Variants in RFTN2 observed in about 807,000 individuals in gnomAD.
RFTN2 encodes raftlin-2.
In RFTN2, 34 loss-of-function variants were observed where a neutral mutation model predicts 52.7. That is an observed-to-expected ratio of 0.64 (90% CI 0.49 to 0.86). The LOEUF (loss-of-function observed/expected upper bound fraction) is 0.86. RFTN2 is among the 40% of genes least tolerant of loss of function. The probability of loss-of-function intolerance (pLI) is 0.00; values close to 1 mark genes in which losing one functional copy is unlikely to be tolerated. For synonymous variants in RFTN2, 203 were observed against 217.7 expected, an observed-to-expected ratio of 0.93 and a Z score of 0.59; for missense variants, 536 against 600.1, an observed-to-expected ratio of 0.89 and a Z score of 1.12.
chr2:197,587,621 G>T (rs991757600), intron 8 of RFTN2, among the ~76,000 whole-genome samples: 4 of 150,586 alleles, frequency 2.7e-5, no homozygotes, highest in Non-Finnish European at 4.4e-5. Flanking sequence ...TTCTCCCTTC[G>T]CTGACTCTCT....
rs1382060720 is a variant in RFTN2 at position 197,644,933 on chromosome 2, C to T, written c.324-661G>A. ...GGAGATAGTGTTTCTTAAAATCACA[C>T]CTGGAATTTTTTTAAGTCTCTTTCT... On this transcript the variant is annotated intron_variant, in intron 2 of 8. Coordinates refer to ENST00000295049, the MANE Select transcript of RFTN2 (RefSeq NM_144629.3). 3.3e-5 allele frequency among the ~76,000 whole-genome samples: 5 copies of T among 152,158 alleles called. No homozygotes were observed. In the East Asian group the frequency reaches 9.6e-4, roughly 29 times the overall value.
chr2:197,654,005 C>A (rs1184920116), intron 1 of RFTN2, among the ~76,000 whole-genome samples: 1 of 152,176 alleles, frequency 6.6e-6, no homozygotes, highest in East Asian at 1.9e-4. Context: ...AAGTAGAAAG[C>A]TGTCATACAA....
intron 1 of RFTN2, among the ~76,000 whole-genome samples, chr2:197,667,536 TC>T (rs769509363): frequency 6.6e-6 from 1 of 152,226 alleles, no homozygotes; most frequent in Non-Finnish European, 1.5e-5. Flanking sequence ...TATGTTGATA[TC>T]TATGCATCTG....
intron 8 of RFTN2, among the ~76,000 whole-genome samples, chr2:197,582,841 C>G (rs772879966): frequency 6.6e-6 from 1 of 152,130 alleles, no homozygotes; most frequent in Non-Finnish European, 1.5e-5. Context: ...CAAATCCCAT[C>G]GCTCAGGGCT....
chr2:197,604,172 C>CTAG (rs2087923831), intron 7 of RFTN2, among the ~76,000 whole-genome samples: 1 of 152,150 alleles, frequency 6.6e-6, no homozygotes. Flanking sequence ...TGACACTCTG[C>CTAG]TAGTAGGAGT....
At chr2:197,598,721 AGG>A (rs2087830592) in intron 7 of RFTN2, among the ~76,000 whole-genome samples, 1 of 152,194 alleles carries the variant, frequency 6.6e-6, no homozygotes, top group Non-Finnish European at 1.5e-5. Context: ...CAGGCTGCCC[AGG>A]TGGCCCTGAT....
At chr2:197,626,296 T>C (rs2088357668) in intron 5 of RFTN2, among the ~76,000 whole-genome samples, 1 of 151,940 alleles carries the variant, frequency 6.6e-6, no homozygotes, top group South Asian at 2.1e-4. Flanking sequence ...CCTGGCACGA[T>C]GGCTCACACC....
chr2:197,675,191 A>T, intron 1 of RFTN2, 129 bp downstream of exon 1: 2 of 675,374 alleles, frequency 3.0e-6, no homozygotes, highest in Non-Finnish European at 4.5e-6. Context: ...TTAAGAAGCG[A>T]AGCATTATTG....
chr2:197,573,245 T>C (rs888852968), intron 8 of RFTN2, among the ~76,000 whole-genome samples: 1 of 152,216 alleles, frequency 6.6e-6, no homozygotes, highest in Non-Finnish European at 1.5e-5. Flanking sequence ...TAGAGACTTA[T>C]TGAATGGCTT....
intron 1 of RFTN2, among the ~76,000 whole-genome samples, chr2:197,661,518 C>G (rs1164765632): frequency 6.6e-6 from 1 of 152,020 alleles, no homozygotes; most frequent in East Asian, 1.9e-4. Context: ...TATGTATCAT[C>G]TTCTTTATCC....
intron 7 of RFTN2, among the ~76,000 whole-genome samples, chr2:197,603,595 G>A (rs1383535947): frequency 6.6e-6 from 1 of 152,122 alleles, no homozygotes; most frequent in African/African-American, 2.4e-5. Flanking sequence ...GAGATTACAG[G>A]TGTGAGCCAC....
intron 8 of RFTN2, among the ~76,000 whole-genome samples, chr2:197,592,240 G>C (rs1456896027): frequency 6.6e-6 from 1 of 152,216 alleles, no homozygotes; most frequent in African/African-American, 2.4e-5. Context: ...TTGTTGCCCA[G>C]GCTGGAGTGC....
At position 197,644,612 on chromosome 2, in the gene RFTN2, A is replaced by C. The variant is rs1374352096; in HGVS notation, c.324-340T>G. Among the ~76,000 whole-genome samples, 3 of 152,238 alleles carry C rather than the reference A, an allele frequency of 2.0e-5. No homozygotes were observed. In the East Asian group the frequency reaches 5.8e-4, roughly 29 times the overall value. ...AGAAGTAAAAATTCCATTTAAATGC[A>C]AATAAATATTGCCCTTTTCCCTTTT... On this transcript the variant is annotated intron_variant, in intron 2 of 8. Transcript: ENST00000295049.
chr2:197,578,583 C>T (rs1421887441), intron 8 of RFTN2, among the ~76,000 whole-genome samples: 1 of 152,158 alleles, frequency 6.6e-6, no homozygotes, highest in Non-Finnish European at 1.5e-5. Flanking sequence ...GACCCCCAGC[C>T]CTGCCCGCCA....
intron 7 of RFTN2, among the ~76,000 whole-genome samples, chr2:197,602,583 G>C (rs919663943): frequency 6.6e-6 from 1 of 151,342 alleles, no homozygotes; most frequent in Non-Finnish European, 1.5e-5. Flanking sequence ...TCTGTTGCCA[G>C]GCTAGAGTGC....
At chr2:197,578,726 T>A (rs1481602170) in intron 8 of RFTN2, among the ~76,000 whole-genome samples, 1 of 152,214 alleles carries the variant, frequency 6.6e-6, no homozygotes, top group Non-Finnish European at 1.5e-5. Context: ...AAAAGCTTTA[T>A]TGCTCACACA....
At chr2:197,626,562 CAAAT>C (rs138860159) in intron 5 of RFTN2, among the ~76,000 whole-genome samples, 1,432 of 124,040 alleles carry the variant, frequency 0.012, 24 homozygotes, top group African/African-American at 0.042. Context: ...ACCCCATCTA[CAAAT>C]AAATAAATAA....
At chr2:197,658,817 T>C (rs79845692) in intron 1 of RFTN2, among the ~76,000 whole-genome samples, 28,452 of 152,164 alleles carry the variant, frequency 0.19, 2,781 homozygotes, top group Middle Eastern at 0.27. Flanking sequence ...TGTAAGAGCT[T>C]TATATATCTT....
At chr2:197,592,930 T>C (rs1042327361) in intron 8 of RFTN2, among the ~76,000 whole-genome samples, 1 of 152,214 alleles carries the variant, frequency 6.6e-6, no homozygotes, top group Non-Finnish European at 1.5e-5. Flanking sequence ...AAGTAAAAAC[T>C]GAATTTGCAA....
Sources: allele counts gnomAD v4.1 joint callset (sites outside exome capture counted in the v4.1 genomes callset), GRCh38; gene constraint gnomAD v4.1.1; transcripts MANE v1.5; gene names NCBI Gene and HGNC (gene_info 2026-07-23, HGNC 2026-07-21).